PCNX4: variants seen among roughly 807,000 people sequenced by gnomAD.
PCNX4 encodes pecanex-like protein 4.
In PCNX4, 103 loss-of-function variants were observed where a neutral mutation model predicts 107.2. The observed-to-expected ratio is 0.96, with a 90% CI of 0.82 to 1.13. PCNX4 has a LOEUF of 1.13. Among genes scored for constraint, PCNX4 ranks in the 50% most tolerant of loss-of-function variants. The pLI is 0.00. For missense variants in PCNX4, 1,528 were observed against 1,379.4 expected (o/e 1.11, Z -1.71); for synonymous variants, 541 against 481.7 (o/e 1.12, Z -1.61).
In PCNX4 at chr14:60,143,590, T is replaced by C. The variant is rs1051167654; in HGVS notation, c.*9369T>C. ...CAGTATTGTGTTAGCGTTGCTTCTT[T>C]ATTTCTTCACTTATGACTATGCCTC... On this transcript the variant is annotated 3_prime_UTR_variant, in exon 11 of 11. Transcript: ENST00000406854. 1.3e-4 allele frequency: 20 copies of C among 152,256 alleles called. No homozygotes were observed. The highest frequency in any genetic ancestry group is 4.1e-4 in the African/African-American group (17 of 41,462). 9.4% of individuals were successfully genotyped at this position (152,256 alleles called of 1,614,324 possible).
At position 60,115,339 on chromosome 14, in the gene PCNX4, A is replaced by G. The variant is rs761576130; in HGVS notation, c.1235A>G (p.Tyr412Cys). ...ATACTTAGAGAAATTCAAAGCGTAT[A>G]TATCATTGGAATTTTCCGAAATCCC... ...LWILREIQSV[Y>C]IIGIFRNPFY... The change falls in exon 4 of 11, where the codon TAT (tyrosine) becomes TGT (cysteine). Residue 412 changes from tyrosine (Y) to cysteine (C), a missense_variant. By Grantham distance (194) the Tyr-to-Cys change is radical (BLOSUM62 -2). Transcript: ENST00000406854. The G allele has an allele frequency of 8.7e-6, 14 of 1,606,090 alleles. No homozygotes were observed. The highest frequency in any genetic ancestry group is 5.1e-5 in the Admixed American group (3 of 58,992).
chr14:60,091,976 C>G lies in PCNX4; in HGVS notation c.-497C>G, dbSNP rs1331034940. ...CAGGGCGTCTCGGCTTTCCCCGCTG[C>G]TGCTTCTGCTAGGCCCAGTGCGAGA... On this transcript the variant is annotated 5_prime_UTR_variant, in exon 1 of 11. Transcript: ENST00000406854. 1 of 152,438 alleles carries G rather than the reference C, an allele frequency of 6.6e-6. No individual in the cohort carries two copies. The highest frequency in any genetic ancestry group is 1.9e-4 in the East Asian group (1 of 5,208). 9.4% of individuals were successfully genotyped at this position (152,438 alleles called of 1,614,324 possible). A position where few individuals can be genotyped will look rare whatever the true frequency, so the allele number is the denominator to read the frequency against.
In PCNX4 at chr14:60,141,360, C is replaced by A. The variant is rs1416122123; in HGVS notation, c.*7139C>A. 1 of 142,246 alleles carries A rather than the reference C, an allele frequency of 7.0e-6. No individual in the cohort carries two copies. The highest frequency in any genetic ancestry group is 1.5e-5 in the Non-Finnish European group (1 of 67,426). 8.8% of individuals were successfully genotyped at this position (142,246 alleles called of 1,614,324 possible). A position where few individuals can be genotyped will look rare whatever the true frequency, so the allele number is the denominator to read the frequency against. On this transcript the variant is annotated 3_prime_UTR_variant, in exon 11 of 11. Coordinates refer to ENST00000406854, the MANE Select transcript of PCNX4 (RefSeq NM_001330177.2). ...AACAAAAAACTGGTTCTTCAAAAAACAATCAAGAAAATCCATAAACCTGTA... is the reference window on the plus strand; with the variant it reads ...AACAAAAAACTGGTTCTTCAAAAAAAAATCAAGAAAATCCATAAACCTGTA...
chr14:60,119,440 A>G (rs946375374), intron 7 of PCNX4, among the ~76,000 whole-genome samples: 1 of 152,206 alleles, frequency 6.6e-6, no homozygotes, highest in African/African-American at 2.4e-5. Flanking sequence ...TAACTTTCTG[A>G]CAAACTCATT....
chr14:60,131,237 AAAAG>A (rs550447518), intron 10 of PCNX4, among the ~76,000 whole-genome samples: 4 of 152,326 alleles, frequency 2.6e-5, no homozygotes, highest in African/African-American at 4.8e-5. Flanking sequence ...TTAGGCAAGA[AAAAG>A]AAAGAAAAGG....
rs573944156 is a variant in PCNX4, at chr14:60,107,648, G to C, written c.10G>C (p.Asp4His). The C allele has an allele frequency of 1.9e-5, 31 of 1,612,062 alleles. No individual in the cohort carries two copies. The South Asian group carries it at 2.5e-4, about 13-fold the overall frequency. The change falls in exon 2 of 11, where the codon GAT (aspartate) becomes CAT (histidine). Residue 4 changes from aspartate to histidine, a missense_variant. Transcript: ENST00000406854. ...ATAATCCCGAGTGAGGATGAGTCCA[G>C]ATGTGCCTCTACTGAATGATTACAA... MSPDVPLLNDYKQD... is the reference protein window; with the variant it reads MSPHVPLLNDYKQD...
At chr14:60,099,166 C>T (rs1188183571) in intron 1 of PCNX4, among the ~76,000 whole-genome samples, 1 of 152,044 alleles carries the variant, frequency 6.6e-6, no homozygotes, top group Non-Finnish European at 1.5e-5. Context: ...GATTTTTATC[C>T]AGAGCAACTG....
At chr14:60,101,939 C>A (rs922743994) in intron 1 of PCNX4, among the ~76,000 whole-genome samples, 9 of 152,120 alleles carry the variant, frequency 5.9e-5, no homozygotes, top group Admixed American at 4.6e-4. Flanking sequence ...ACAGATGAAC[C>A]TTGAAGGCAT....
chr14:60,118,485 A>G lies in PCNX4; in HGVS notation c.1735A>G (p.Ile579Val), dbSNP rs1487341381. 1 of 1,613,724 alleles carries G rather than the reference A, an allele frequency of 6.2e-7. No individual in the cohort carries two copies. Among genetic ancestry groups the G allele is most frequent in the Non-Finnish European group, 8.5e-7 (1 of 1,179,808 alleles). The change falls in exon 7 of 11, where the codon ATC becomes GTC. Residue 579 changes from isoleucine to valine, a missense_variant. By Grantham distance (29) the Ile-to-Val change is conservative. Transcript: ENST00000406854. ...NIVFSPFVLV[I>V]IVFSTLLSSP... ...TGTCTTTTCTCCATTCGTGTTGGTC[A>G]TCATAGTTTTTTCTACACTACTCTC...
chr14:60,125,573 T>C (rs1015395517), intron 9 of PCNX4, 64 bp from the exon 10 acceptor site: 2 of 1,178,088 alleles, frequency 1.7e-6, no homozygotes, highest in African/African-American at 3.2e-5. Flanking sequence ...TTTAACAAAA[T>C]CTATTTGATC....
rs1052807232 is a variant in PCNX4, at chr14:60,098,624, A to G, written c.-54+6205A>G. ...TATAACTTGTAAACCAAAGCATGAA[A>G]TATATGTTTCTGTTTAAACATCAAA... On this transcript the variant is annotated intron_variant, in intron 1 of 10. Coordinates refer to ENST00000406854, the MANE Select transcript of PCNX4 (RefSeq NM_001330177.2). Among the ~76,000 whole-genome samples the G allele has an allele frequency of 2.6e-5, 4 of 152,190 alleles. No individual in the cohort carries two copies. The South Asian group carries it at 8.3e-4, about 32-fold the overall frequency.
At chr14:60,095,835 A>G (rs1194213530) in intron 1 of PCNX4, among the ~76,000 whole-genome samples, 1 of 150,936 alleles carries the variant, frequency 6.6e-6, no homozygotes, top group African/African-American at 2.4e-5. Context: ...AAAGGAAAGG[A>G]AAAAAAAAGA....
chr14:60,099,387 A>G (rs1895487720), intron 1 of PCNX4, among the ~76,000 whole-genome samples: 1 of 152,186 alleles, frequency 6.6e-6, no homozygotes, highest in Non-Finnish European at 1.5e-5. Flanking sequence ...AGTTTGTCTA[A>G]TCATTTTTAA....
Position 60,107,936 on chromosome 14 carries a change from A to G in PCNX4, c.298A>G (p.Thr100Ala), listed in dbSNP as rs767462647. Residue 100 changes from threonine (T) to alanine (A), a missense_variant, in exon 2 of 11, where the codon ACA becomes GCA. Transcript: ENST00000406854. ...TSLYAKNKST[T>A]VERILTTDIL... ...TTTATACGCCAAAAACAAATCAACA[A>G]CAGTAGAAAGAATACTAACCACGGA... The G allele has an allele frequency of 4.7e-5, 76 of 1,612,770 alleles. No individual in the cohort carries two copies. Among genetic ancestry groups the G allele is most frequent in the Non-Finnish European group, 6.0e-5 (71 of 1,179,900 alleles).
rs1177478462 is a variant in PCNX4 at position 60,125,123 on chromosome 14, A to T, written c.2952A>T (p.Gly984=). Residue 984 remains glycine (G), a synonymous_variant, in exon 9 of 11, where the codon GGA becomes GGT. Coordinates refer to ENST00000406854, the MANE Select transcript of PCNX4 (RefSeq NM_001330177.2). ...TGACTTGTTATTTTAGTTTATTTGG[A>T]ATAGACAATATGGCTCCTAGTCCTG... ...TVMTCYFSLF[G]IDNMAPSPGH... is the part of the protein sequence containing the mutation. The T allele has an allele frequency of 6.2e-7, 1 of 1,612,986 alleles. No homozygotes were observed. Among genetic ancestry groups the T allele is most frequent in the East Asian group, 2.2e-5 (1 of 44,864 alleles).
At chr14:60,100,956 T>C (rs958073262) in intron 1 of PCNX4, among the ~76,000 whole-genome samples, 2 of 152,198 alleles carry the variant, frequency 1.3e-5, no homozygotes, top group African/African-American at 4.8e-5. Context: ...CAACTAACAG[T>C]CAGGTACCCT....
chr14:60,115,603 G>A (rs1454469480), intron 4 of PCNX4, 116 bp from the exon 5 acceptor site: 3 of 1,341,138 alleles, frequency 2.2e-6, no homozygotes, highest in East Asian at 4.7e-5. Flanking sequence ...TTGTTTATTG[G>A]CTTTTTAGTT....
chr14:60,144,896 C>T lies in PCNX4; in HGVS notation c.*10675C>T, dbSNP rs1256879321. ...AAATTAGTCTTTGATTATTCAGAAG[C>T]ATAAGAAGATTGCTGTTTTCATGTT... is the stretch of plus-strand genomic sequence containing the variant. On this transcript the variant is annotated 3_prime_UTR_variant, in exon 11 of 11. Coordinates refer to ENST00000406854, the MANE Select transcript of PCNX4 (RefSeq NM_001330177.2). 6 of 1,257,436 alleles carry T rather than the reference C, an allele frequency of 4.8e-6. No individual in the cohort carries two copies. Among genetic ancestry groups the T allele is most frequent in the East Asian group, 4.7e-5 (2 of 42,812 alleles). 77.9% of individuals were successfully genotyped at this position (1,257,436 alleles called of 1,614,324 possible).
chr14:60,125,521 C>A, intron 9 of PCNX4, 116 bp from the exon 10 acceptor site: 1 of 838,184 alleles, frequency 1.2e-6, no homozygotes, highest in Non-Finnish European at 1.7e-6. Flanking sequence ...CACTTTTTAT[C>A]TGAAATAGAT....
Sources: gnomAD v4.1 joint callset for allele counts (sites outside exome capture counted in the v4.1 genomes callset) on GRCh38, gnomAD v4.1.1 for gene constraint, MANE v1.5 for transcripts, NCBI Gene and HGNC (gene_info 2026-07-23, HGNC 2026-07-21) for gene names.